The following RIT2 variants were observed in gnomAD, a reference collection of about 807,000 sequenced individuals.
RIT2 encodes the protein Ras like without CAAX 2.
RIT2 carries 24 observed loss-of-function variants against 23.7 expected under a neutral mutation model. The ratio of observed to expected loss-of-function variants is 1.01; its 90% CI spans 0.73 to 1.43. The LOEUF is 1.43. Ranked by LOEUF, RIT2 falls within the 40% of genes most tolerant of loss-of-function variation. The pLI, the probability that RIT2 is intolerant of heterozygous loss-of-function variation, is 0.00. For missense variants in RIT2, 236 were observed against 266.9 expected (o/e 0.88, Z 0.81); for synonymous variants, 107 against 91.1 (o/e 1.17, Z -0.99).
chr18:42,789,476 C>T (rs1423292173), intron 4 of RIT2, among the ~76,000 whole-genome samples: 1 of 152,070 alleles, frequency 6.6e-6, no homozygotes, highest in African/African-American at 2.4e-5. Context: ...TGTGAAGTTT[C>T]TTCATTTGTT....
At chr18:42,917,421 T>G (rs1908938761) in intron 4 of RIT2, among the ~76,000 whole-genome samples, 1 of 152,116 alleles carries the variant, frequency 6.6e-6, no homozygotes, top group Admixed American at 6.6e-5. Context: ...GAAAGGGCTC[T>G]AAACCTCACT....
At chr18:42,993,342 G>T (rs1050289631) in intron 2 of RIT2, among the ~76,000 whole-genome samples, 3 of 152,174 alleles carry the variant, frequency 2.0e-5, no homozygotes, top group Non-Finnish European at 4.4e-5. Context: ...CAGCTTAGTG[G>T]CTGAAGACTG....
intron 4 of RIT2, among the ~76,000 whole-genome samples, chr18:42,835,675 A>G (rs886114457): frequency 1.3e-5 from 2 of 152,186 alleles, no homozygotes; most frequent in Non-Finnish European, 2.9e-5. Flanking sequence ...ATGCATGTGA[A>G]GGCAGGAATC....
chr18:43,009,957 A>G lies in RIT2; in HGVS notation c.160+23854T>C, dbSNP rs1911314774. Reference sequence around the variant, plus strand: ...CCCCTTATTCCCACCACTAGACTCAATTAACTCTCCCAGCTAGTGCCAAAT... The same window carrying G: ...CCCCTTATTCCCACCACTAGACTCAGTTAACTCTCCCAGCTAGTGCCAAAT... On this transcript the variant is annotated intron_variant, in intron 2 of 4. Coordinates refer to ENST00000326695, the MANE Select transcript of RIT2 (RefSeq NM_002930.4). 2.6e-5 allele frequency among the ~76,000 whole-genome samples: 4 copies of G among 151,850 alleles called. No individual in the cohort carries two copies. In the South Asian group the frequency reaches 8.3e-4, roughly 31 times the overall value.
At chr18:42,933,843 C>T (rs546238262) in intron 3 of RIT2, among the ~76,000 whole-genome samples, 31 of 151,822 alleles carry the variant, frequency 2.0e-4, no homozygotes, top group African/African-American at 7.5e-4. Flanking sequence ...CATGGTGAAA[C>T]CCTGTCTCTA....
At chr18:42,938,091 T>A (rs1909506308) in intron 3 of RIT2, among the ~76,000 whole-genome samples, 1 of 126,176 alleles carries the variant, frequency 7.9e-6, no homozygotes. Context: ...AGAGGAAATA[T>A]GATATCTAAG....
intron 1 of RIT2, among the ~76,000 whole-genome samples, chr18:43,080,815 AC>A (rs1185187488): frequency 6.6e-6 from 1 of 152,074 alleles, no homozygotes; most frequent in Non-Finnish European, 1.5e-5. Context: ...TCTAAGAACA[AC>A]TTTTATTCCT....
At chr18:42,924,286 C>G (rs1013434109) in intron 3 of RIT2, among the ~76,000 whole-genome samples, 1 of 152,022 alleles carries the variant, frequency 6.6e-6, no homozygotes, top group African/African-American at 2.4e-5. Context: ...AGAGTTAGAC[C>G]TGGTTTTCCT....
chr18:43,114,374 A>G (rs1360256162), intron 1 of RIT2, among the ~76,000 whole-genome samples: 1 of 152,054 alleles, frequency 6.6e-6, no homozygotes, highest in Admixed American at 6.6e-5. Context: ...CAGTTTTCCT[A>G]TCCCTTGTGG....
At position 43,115,471 on chromosome 18, in the gene RIT2, C is replaced by T. The variant is rs199603585; in HGVS notation, c.49G>A (p.Gly17Arg). The T allele has an allele frequency of 2.7e-5, 44 of 1,613,696 alleles. No individual in the cohort carries two copies. The highest frequency in any genetic ancestry group is 1.2e-4 in the African/African-American group (9 of 75,006). ...ATTACCACCTTGTACTCTCTGGACCCGCCTGATGCGCTGCCCGGGGAGCAG... is the reference window on the plus strand; with the variant it reads ...ATTACCACCTTGTACTCTCTGGACCTGCCTGATGCGCTGCCCGGGGAGCAG... The part of the protein sequence containing the change: ...ASCSPGSASG[G>R]SREYKVVMLG... The change falls in exon 1 of 5, where the codon GGG becomes AGG. Residue 17 changes from glycine to arginine, a missense_variant. By Grantham distance (125) the Gly-to-Arg change is moderately radical (BLOSUM62 -2). Transcript: ENST00000326695.
At chr18:42,836,641 T>C (rs964677151) in intron 4 of RIT2, among the ~76,000 whole-genome samples, 1 of 152,158 alleles carries the variant, frequency 6.6e-6, no homozygotes, top group African/African-American at 2.4e-5. Flanking sequence ...TTAAGCCCCA[T>C]AGAAACAATA....
intron 4 of RIT2, among the ~76,000 whole-genome samples, chr18:42,838,292 C>CT (rs1906671990): frequency 6.6e-6 from 1 of 151,994 alleles, no homozygotes; most frequent in South Asian, 2.1e-4. Context: ...AGCCCTTCTA[C>CT]TTTTTCAGTC....
chr18:42,869,183 T>A (rs185455149), intron 4 of RIT2, among the ~76,000 whole-genome samples: 260 of 152,380 alleles, frequency 1.7e-3, no homozygotes, highest in African/African-American at 5.8e-3. Flanking sequence ...GTGGTGGGTA[T>A]GGTTTCAGGA....
At chr18:43,082,915 A>G (rs1295137668) in intron 1 of RIT2, among the ~76,000 whole-genome samples, 1 of 152,146 alleles carries the variant, frequency 6.6e-6, no homozygotes, top group East Asian at 1.9e-4. Context: ...CAGAGTATTC[A>G]GATAGGAAGA....
At chr18:42,887,606 C>A (rs1289067095) in intron 4 of RIT2, among the ~76,000 whole-genome samples, 1 of 152,148 alleles carries the variant, frequency 6.6e-6, no homozygotes, top group Non-Finnish European at 1.5e-5. Context: ...GTTAGGCAGT[C>A]TCCTATGAAG....
chr18:42,930,349 A>G (rs1380709743), intron 3 of RIT2, among the ~76,000 whole-genome samples: 3 of 152,030 alleles, frequency 2.0e-5, no homozygotes, highest in Non-Finnish European at 2.9e-5. Context: ...AAAAGGGGGG[A>G]AATCCTTGAA....
chr18:42,971,628 A>G (rs1019260105), intron 3 of RIT2, among the ~76,000 whole-genome samples: 2 of 152,088 alleles, frequency 1.3e-5, no homozygotes, highest in Admixed American at 1.3e-4. Context: ...ACTAGTGTTC[A>G]TGATTTTTCT....
chr18:43,103,824 G>A (rs1362975281), intron 1 of RIT2, among the ~76,000 whole-genome samples: 1 of 152,130 alleles, frequency 6.6e-6, no homozygotes, highest in Admixed American at 6.5e-5. Flanking sequence ...TGTTTGGGGA[G>A]GAGAAGAATC....
intron 4 of RIT2, among the ~76,000 whole-genome samples, chr18:42,870,301 T>A (rs1334169924): frequency 1.3e-5 from 2 of 152,252 alleles, no homozygotes; most frequent in Non-Finnish European, 2.9e-5. Flanking sequence ...AGTACAGTGG[T>A]GCGATCTCGG....
Sources: allele counts gnomAD v4.1 joint callset (sites outside exome capture counted in the v4.1 genomes callset), GRCh38; gene constraint gnomAD v4.1.1; transcripts MANE v1.5; gene names NCBI Gene and HGNC (gene_info 2026-07-23, HGNC 2026-07-21).